CCNE2: variants seen among roughly 807,000 people sequenced by gnomAD.
The protein encoded by CCNE2 is G1/S-specific cyclin-E2.
CCNE2 carries 18 observed loss-of-function variants against 56.8 expected under a neutral mutation model. The observed-to-expected ratio is 0.32, with a 90% confidence interval of 0.22 to 0.47. The LOEUF (loss-of-function observed/expected upper bound fraction) is 0.47. Ranked by LOEUF, CCNE2 falls within the 20% of genes least tolerant of loss-of-function variation. The pLI, the probability that CCNE2 is intolerant of heterozygous loss-of-function variation, is 1.00. For synonymous variants in CCNE2, 139 were observed against 149.2 expected, an observed-to-expected ratio of 0.93 and a Z score of 0.50; for missense variants, 371 against 467.1, an observed-to-expected ratio of 0.79 and a Z score of 1.90.
intron 7 of CCNE2, among the ~76,000 whole-genome samples, chr8:94,887,131 A>T (rs1201594996): frequency 6.6e-6 from 1 of 152,232 alleles, no homozygotes; most frequent in Non-Finnish European, 1.5e-5. Context: ...ATCATGTATT[A>T]AGAAAAGTAA....
rs868671050 is a variant in CCNE2, at chr8:94,890,591, A to T, written c.318-41T>A. ...AAAAAAACCATATATATATATATAT[A>T]TTTTTTTTTTTTTTTTTTTGAGACA... On this transcript the variant is annotated intron_variant, in intron 5 of 11. Coordinates refer to ENST00000308108, the MANE Select transcript of CCNE2 (RefSeq NM_057749.3). 6.1e-3 allele frequency: 1,884 copies of T among 310,420 alleles called. 5 individuals are homozygous for T. Among genetic ancestry groups the T allele is most frequent in the South Asian group, 0.016 (113 of 7,114 alleles). 19.2% of individuals were successfully genotyped at this position (310,420 alleles called of 1,614,324 possible). A position where few individuals can be genotyped will look rare whatever the true frequency, so the allele number is the denominator to read the frequency against.
chr8:94,886,960 T>G (rs1326814526), intron 7 of CCNE2, among the ~76,000 whole-genome samples: 2 of 152,148 alleles, frequency 1.3e-5, no homozygotes, highest in African/African-American at 4.8e-5. Context: ...AACACAAGTT[T>G]ATGTGCCAAA....
At position 94,894,195 on chromosome 8, in the gene CCNE2, CAGAT is replaced by C; in HGVS notation, c.14+9_14+12del. On this transcript the variant is annotated intron_variant, in intron 2 of 11. Coordinates refer to ENST00000308108, the MANE Select transcript of CCNE2 (RefSeq NM_057749.3). ...ACTAATTTGAAACATGTCTCTAAGACAGATAATGTTACCTTCGTCTTGACATTCT... is the reference window on the plus strand; with the variant it reads ...ACTAATTTGAAACATGTCTCTAAGACAATGTTACCTTCGTCTTGACATTCT... 1.9e-6 allele frequency: 3 copies of C among 1,614,062 alleles called. No homozygotes were observed. Among genetic ancestry groups the C allele is most frequent in the Non-Finnish European group, 2.5e-6 (3 of 1,179,920 alleles).
intron 11 of CCNE2, 100 bp from the exon 12 acceptor site, chr8:94,881,845 T>C: frequency 1.4e-6 from 2 of 1,400,814 alleles, no homozygotes; most frequent in Non-Finnish European, 1.9e-6. Context: ...TTTAATAGTC[T>C]TTTTATGTCT....
At position 94,881,507 on chromosome 8, in the gene CCNE2, GT is replaced by G. The variant is rs1299017937; in HGVS notation, c.*124del. 4 of 824,936 alleles carry G rather than the reference GT, an allele frequency of 4.8e-6. No homozygotes were observed. The East Asian group carries it at 1.0e-4, about 21-fold the overall frequency. 51.1% of individuals were successfully genotyped at this position (824,936 alleles called of 1,614,324 possible). Reference sequence around the variant, plus strand: ...TGTAAGTTTTAAAATCAGAATGGCAGTGTAACTTGTGAATTGGCTAGGGCAA... The same window carrying G: ...TGTAAGTTTTAAAATCAGAATGGCAGGTAACTTGTGAATTGGCTAGGGCAA... On this transcript the variant is annotated 3_prime_UTR_variant, in exon 12 of 12. Transcript: ENST00000308108.
chr8:94,895,209 G>A (rs1480524109), upstream of CCNE2: 3 of 985,712 alleles, frequency 3.0e-6, no homozygotes, highest in Non-Finnish European at 3.6e-6. Context: ...CTCAGCTGGC[G>A]CCGGCGCCAA....
At chr8:94,887,130 TAAGAA>T (rs1204009803) in intron 7 of CCNE2, among the ~76,000 whole-genome samples, 5 of 152,190 alleles carry the variant, frequency 3.3e-5, no homozygotes, top group African/African-American at 1.2e-4. Flanking sequence ...CATCATGTAT[TAAGAA>T]AAGTAAATTG....
intron 6 of CCNE2, 36 bp downstream of exon 6, chr8:94,890,379 A>G (rs371681812): frequency 5.8e-5 from 89 of 1,526,326 alleles, no homozygotes; most frequent in Middle Eastern, 1.7e-4. Flanking sequence ...TTTCCATCAT[A>G]CAGAGACAAA....
upstream of CCNE2, chr8:94,895,300 C>G (rs905059664): frequency 1.0e-5 from 10 of 968,816 alleles, no homozygotes; most frequent in African/African-American, 8.8e-5. Flanking sequence ...CTCCCCTCTC[C>G]CGCCCGTCCG....
In CCNE2 at chr8:94,880,682, C is replaced by G. The variant is rs1453233892; in HGVS notation, c.*950G>C. 2.5e-5 allele frequency: 10 copies of G among 393,732 alleles called. No homozygotes were observed. The highest frequency in any genetic ancestry group is 4.5e-5 in the Non-Finnish European group (10 of 223,638). 24.4% of individuals were successfully genotyped at this position (393,732 alleles called of 1,614,324 possible). A position where few individuals can be genotyped will look rare whatever the true frequency, so the allele number is the denominator to read the frequency against. On this transcript the variant is annotated 3_prime_UTR_variant, in exon 12 of 12. Transcript: ENST00000308108. Reference sequence around the variant, plus strand: ...AGTGTTAAGCTTTATCACTTTGACACTGTCCTTATCTCACAATGGAGGAAT... The same window carrying G: ...AGTGTTAAGCTTTATCACTTTGACAGTGTCCTTATCTCACAATGGAGGAAT...
Position 94,890,535 on chromosome 8 carries a change from T to G in CCNE2, c.333A>C (p.Lys111Asn). Reference sequence around the variant, plus strand: ...TTTTTAACATGTTTAGCCAGACTTCTTTTGAACATCCCCAGCTATGGAAAG... The same window carrying G: ...TTTTTAACATGTTTAGCCAGACTTCGTTTGAACATCCCCAGCTATGGAAAG... The part of the protein sequence containing the change: ...PLPDLSWGCS[K>N]EVWLNMLKKE... Residue 111 changes from lysine to asparagine, a missense_variant, in exon 6 of 12, where the codon AAA becomes AAC. Physicochemically the swap from Lys to Asn is moderately conservative, Grantham distance 94 (BLOSUM62 0). Transcript: ENST00000308108. 6.4e-7 allele frequency: 1 copy of G among 1,562,754 alleles called. No homozygotes were observed. The highest frequency in any genetic ancestry group is 8.7e-7 in the Non-Finnish European group (1 of 1,148,974).
Position 94,881,413 on chromosome 8 carries a change from G to A in CCNE2, c.*219C>T, listed in dbSNP as rs1816803913. On this transcript the variant is annotated 3_prime_UTR_variant, in exon 12 of 12. Coordinates refer to ENST00000308108, the MANE Select transcript of CCNE2 (RefSeq NM_057749.3). ...TAACCTTGGGAATGAAGACATCTTT[G>A]TAAACAAGTCCTGCTGTTTCTTTAA... 1.9e-6 allele frequency: 1 copy of A among 536,118 alleles called. No homozygotes were observed. The highest frequency in any genetic ancestry group is 3.6e-5 in the Admixed American group (1 of 27,872). The allele number at this position is 536,118 out of a possible 1,614,324, so 33.2% of individuals were successfully genotyped here. A position where few individuals can be genotyped will look rare whatever the true frequency, so the allele number is the denominator to read the frequency against.
At chr8:94,892,069 A>G in intron 5 of CCNE2, 2 of 675,000 alleles carry the variant, frequency 3.0e-6, no homozygotes, top group Non-Finnish European at 5.4e-6. Context: ...GATATCCCAG[A>G]AGAAACTGAA....
upstream of CCNE2, chr8:94,895,844 G>C (rs574750140): frequency 6.5e-6 from 1 of 153,944 alleles, no homozygotes; most frequent in South Asian, 2.1e-4. Context: ...GCTCTCCCCA[G>C]TCCCGGTCCG....
Position 94,882,642 on chromosome 8 carries a change from CAG to C in CCNE2, c.943+137_943+138del, listed in dbSNP as rs1586544341. ...ATTCAGGATTGGAAAGTACTTCTAA[CAG>C]AAAGATAATTACTGAACAGCTAATT... On this transcript the variant is annotated intron_variant, in intron 10 of 11. Transcript: ENST00000308108. The C allele has an allele frequency of 2.4e-5, 15 of 632,612 alleles. No individual in the cohort carries two copies. The East Asian group carries it at 4.0e-4, about 17-fold the overall frequency. The allele number at this position is 632,612 out of a possible 1,614,324, so 39.2% of individuals were successfully genotyped here.
intron 11 of CCNE2, 56 bp from the exon 12 acceptor site, chr8:94,881,801 T>C: frequency 6.2e-7 from 1 of 1,603,180 alleles, no homozygotes; most frequent in Non-Finnish European, 8.5e-7. Context: ...AAACCAGACT[T>C]CTGGGTACTT....
At chr8:94,884,942 G>A (rs2131102645) in intron 9 of CCNE2, 125 bp downstream of exon 9, 2 of 800,742 alleles carry the variant, frequency 2.5e-6, no homozygotes, top group East Asian at 5.4e-5. Flanking sequence ...TGCGTCAAAA[G>A]TTTTGTTCTA....
At chr8:94,894,448 G>A in intron 1 of CCNE2, 1 of 575,874 alleles carries the variant, frequency 1.7e-6, no homozygotes, top group South Asian at 2.2e-5. Context: ...TCAACTGAAT[G>A]TACAGCTGGA....
chr8:94,890,185 G>A (rs1422019140), intron 6 of CCNE2, among the ~76,000 whole-genome samples: 2 of 152,170 alleles, frequency 1.3e-5, no homozygotes, highest in African/African-American at 4.8e-5. Context: ...AGTATCCACA[G>A]GTAACAGGAA....
Sources: allele counts gnomAD v4.1 joint callset (sites outside exome capture counted in the v4.1 genomes callset), GRCh38; gene constraint gnomAD v4.1.1; transcripts MANE v1.5; gene names NCBI Gene and HGNC (gene_info 2026-07-23, HGNC 2026-07-21).